AKAP6: variants seen among roughly 807,000 people sequenced by gnomAD.
AKAP6 encodes the protein A-kinase anchoring protein 6, also known as A-kinase anchor protein 6.
A neutral mutation model predicts 188.5 loss-of-function variants in AKAP6; 58 were observed. That is an observed-to-expected ratio of 0.31 (90% CI 0.25 to 0.38). The LOEUF (loss-of-function observed/expected upper bound fraction) is 0.38, where lower values mean the gene tolerates loss of function less well. AKAP6 is among the 10% of genes least tolerant of loss of function. The pLI, the probability that AKAP6 is intolerant of heterozygous loss-of-function variation, is 1.00. For missense variants in AKAP6, 2,710 were observed against 2,740.0 expected (o/e 0.99, Z 0.24); for synonymous variants, 989 against 998.6 (o/e 0.99, Z 0.18).
chr14:32,472,486 A>T (rs1199247596), intron 2 of AKAP6, among the ~76,000 whole-genome samples: 1 of 152,212 alleles, frequency 6.6e-6, no homozygotes, highest in African/African-American at 2.4e-5. Context: ...AGAAAAGATC[A>T]TGGTCTTTAG....
intron 1 of AKAP6, among the ~76,000 whole-genome samples, chr14:32,430,010 C>T (rs1460459725): frequency 6.6e-6 from 1 of 152,172 alleles, no homozygotes; most frequent in East Asian, 1.9e-4. Context: ...ATGTTTGTTC[C>T]TCTGGGAAGA....
Position 32,523,187 on chromosome 14 carries a change from GA to G in AKAP6, c.325-12365del, listed in dbSNP as rs534706834. Among the ~76,000 whole-genome samples the G allele has an allele frequency of 1.4e-3, 190 of 136,052 alleles. 1 individual carries two copies. Among genetic ancestry groups the G allele is most frequent in the Non-Finnish European group, 2.9e-4 (18 of 62,676 alleles). The allele number at this position is 136,052 out of a possible 152,430, so 89.3% of individuals were successfully genotyped here. On this transcript the variant is annotated intron_variant, in intron 2 of 13. Coordinates refer to ENST00000280979, the MANE Select transcript of AKAP6 (RefSeq NM_004274.5). ...CACCGGGGCCTGTCTTGGGGTGGGG[GA>G]AGGGGGGGAGGGATAACATTAGGAG...
intron 7 of AKAP6, among the ~76,000 whole-genome samples, chr14:32,610,298 G>A (rs541938218): frequency 1.3e-5 from 2 of 152,242 alleles, no homozygotes; most frequent in Non-Finnish European, 2.9e-5. Flanking sequence ...GTTAAGATTT[G>A]TGTCAATGTT....
At chr14:32,669,929 T>A in intron 7 of AKAP6, among the ~76,000 whole-genome samples, 1 of 151,956 alleles carries the variant, frequency 6.6e-6, no homozygotes, top group Non-Finnish European at 1.5e-5. Context: ...AAATCCTGTC[T>A]CTATTAAAAA....
chr14:32,769,037 A>ATTTTTTTTTATTTTTTTTTTTT (rs2032807875), intron 11 of AKAP6, among the ~76,000 whole-genome samples: 1 of 56,926 alleles, frequency 1.8e-5, no homozygotes, highest in Non-Finnish European at 2.9e-5. Context: ...TGCTCTTTTG[A>ATTTTTTTTTATTTTTTTTTTTT]TTTTTTTTTT....
intron 9 of AKAP6, among the ~76,000 whole-genome samples, chr14:32,731,755 C>CAT (rs553093802): frequency 9.2e-5 from 14 of 152,156 alleles, no homozygotes; most frequent in African/African-American, 2.9e-4. Flanking sequence ...GTAACTGTCA[C>CAT]ATTAAATAGC....
chr14:32,405,450 T>C (rs895397168), intron 1 of AKAP6, among the ~76,000 whole-genome samples: 9 of 152,226 alleles, frequency 5.9e-5, no homozygotes, highest in Non-Finnish European at 5.9e-5. Flanking sequence ...AAAGACTAAA[T>C]TACAATGTTG....
intron 2 of AKAP6, among the ~76,000 whole-genome samples, chr14:32,455,893 A>T (rs1891130383): frequency 6.6e-6 from 1 of 152,214 alleles, no homozygotes; most frequent in Non-Finnish European, 1.5e-5. Context: ...CTGACTATGC[A>T]TCTGCCTAGA....
At chr14:32,584,602 G>T (rs1046716151) in intron 5 of AKAP6, among the ~76,000 whole-genome samples, 1 of 152,176 alleles carries the variant, frequency 6.6e-6, no homozygotes, top group East Asian at 1.9e-4. Context: ...CACCCAAAAG[G>T]TTCTTCATGA....
chr14:32,487,018 T>C (rs560672237), intron 2 of AKAP6, among the ~76,000 whole-genome samples: 23 of 152,340 alleles, frequency 1.5e-4, no homozygotes, highest in African/African-American at 5.3e-4. Context: ...TGAGTGTTTT[T>C]AGCATGAAGT....
At chr14:32,527,783 T>G (rs1403887179) in intron 2 of AKAP6, among the ~76,000 whole-genome samples, 1 of 152,230 alleles carries the variant, frequency 6.6e-6, no homozygotes, top group Non-Finnish European at 1.5e-5. Context: ...GTCTTTGGAC[T>G]GTTTTTTAAT....
chr14:32,594,506 A>G (rs556075853), intron 5 of AKAP6, among the ~76,000 whole-genome samples: 1 of 152,244 alleles, frequency 6.6e-6, no homozygotes, highest in Non-Finnish European at 1.5e-5. Flanking sequence ...CTTGGTATAT[A>G]TGGCATTTTA....
At chr14:32,507,536 T>C (rs1259685531) in intron 2 of AKAP6, among the ~76,000 whole-genome samples, 2 of 134,230 alleles carry the variant, frequency 1.5e-5, no homozygotes, top group Non-Finnish European at 3.3e-5. Context: ...CAGCACATTG[T>C]GGTGGTTTTT....
At chr14:32,681,504 A>C (rs1889675210) in intron 8 of AKAP6, among the ~76,000 whole-genome samples, 1 of 152,000 alleles carries the variant, frequency 6.6e-6, no homozygotes, top group Non-Finnish European at 1.5e-5. Context: ...TTTTCCCCCA[A>C]ATCTGGTGTT....
At chr14:32,335,842 C>CTT (rs375076849) in intron 1 of AKAP6, among the ~76,000 whole-genome samples, 43 of 93,998 alleles carry the variant, frequency 4.6e-4, no homozygotes, top group East Asian at 1.1e-3. Flanking sequence ...TCCTTTTCTC[C>CTT]TTTTTTTTTT....
At chr14:32,671,522 C>T (rs75671053) in intron 7 of AKAP6, among the ~76,000 whole-genome samples, 5,929 of 150,476 alleles carry the variant, frequency 0.039, 383 homozygotes, top group African/African-American at 0.14. Flanking sequence ...GGAAAAACAA[C>T]GGCATTTTTT....
At chr14:32,370,010 G>A (rs1887958040) in intron 1 of AKAP6, among the ~76,000 whole-genome samples, 1 of 152,148 alleles carries the variant, frequency 6.6e-6, no homozygotes, top group South Asian at 2.1e-4. Context: ...CAGCCTGGGC[G>A]AAAAGAGCGA....
At chr14:32,566,088 C>T (rs907219394) in intron 4 of AKAP6, among the ~76,000 whole-genome samples, 1 of 152,106 alleles carries the variant, frequency 6.6e-6, no homozygotes, top group East Asian at 1.9e-4. Context: ...TCAGGGAGTC[C>T]ACAAGGTCAA....
At chr14:32,531,372 A>C (rs2139099837) in intron 2 of AKAP6, among the ~76,000 whole-genome samples, 1 of 152,350 alleles carries the variant, frequency 6.6e-6, no homozygotes, top group Middle Eastern at 3.4e-3. Flanking sequence ...GCTGATGATC[A>C]CAGTACCGTC....
Sources: allele counts gnomAD v4.1 joint callset (sites outside exome capture counted in the v4.1 genomes callset), GRCh38; gene constraint gnomAD v4.1.1; transcripts MANE v1.5; gene names NCBI Gene and HGNC (gene_info 2026-07-23, HGNC 2026-07-21).